The following ZNF554 variants were observed in gnomAD, a reference collection of about 807,000 sequenced individuals.
ZNF554 encodes the protein zinc finger protein 554.
Under a neutral mutation model 21.2 loss-of-function variants are expected in ZNF554, and 15 were observed. The ratio of observed to expected loss-of-function variants is 0.71; its 90% confidence interval spans 0.47 to 1.09. The LOEUF is 1.09. ZNF554 is among the 50% of genes least tolerant of loss of function. The pLI, the probability that ZNF554 is intolerant of heterozygous loss-of-function variation, is 0.00. For missense variants in ZNF554, 691 were observed against 662.7 expected, an observed-to-expected ratio of 1.04 and a Z score of -0.47; for synonymous variants, 258 against 251.4, an observed-to-expected ratio of 1.03 and a Z score of -0.25.
At chr19:2,829,589 A>G (rs1242397778) in intron 3 of ZNF554, among the ~76,000 whole-genome samples, 1 of 152,128 alleles carries the variant, frequency 6.6e-6, no homozygotes, top group East Asian at 1.9e-4. Context: ...GTAAGCTGAG[A>G]TCGTGCCACT....
chr19:2,830,231 G>A (rs917611829), intron 3 of ZNF554, among the ~76,000 whole-genome samples: 6 of 152,242 alleles, frequency 3.9e-5, no homozygotes, highest in Admixed American at 6.6e-5. Flanking sequence ...CACCGTGCCC[G>A]GCAGACATTT....
rs1299573788 is a variant in ZNF554, at chr19:2,836,218, T to C, written c.*1366T>C. 6.7e-6 allele frequency among the ~76,000 whole-genome samples: 1 copy of C among 150,194 alleles called. No individual in the cohort carries two copies. The highest frequency in any genetic ancestry group is 1.5e-5 in the Non-Finnish European group (1 of 67,634). On this transcript the variant is annotated 3_prime_UTR_variant, in exon 5 of 5. Coordinates refer to ENST00000317243, the MANE Select transcript of ZNF554 (RefSeq NM_001102651.2). ...ACGGGTGTGAGCCACCGTGCTGGTA[T>C]TACGGGTGTGAGCCACCGTGCTGGG...
chr19:2,832,667 A>T (rs2087437016), intron 4 of ZNF554, among the ~76,000 whole-genome samples, 173 bp downstream of exon 4: 1 of 151,844 alleles, frequency 6.6e-6, no homozygotes, highest in South Asian at 2.1e-4. Flanking sequence ...ACCTTACATG[A>T]CCTCTCTCTG....
chr19:2,834,220 T>A lies in ZNF554; in HGVS notation c.985T>A (p.Cys329Ser). Residue 329 changes from cysteine to serine, a missense_variant, in exon 5 of 5, where the codon TGT (cysteine) becomes AGT (serine). Cys to Ser is a moderately radical substitution (Grantham distance 112). Coordinates refer to ENST00000317243, the MANE Select transcript of ZNF554 (RefSeq NM_001102651.2). Reference sequence around the variant, plus strand: ...AGAGAAACCCTTTGAGTGCCACCAGTGTGGGAAGGTGTTCAACCGGAGGCA... The same window carrying A: ...AGAGAAACCCTTTGAGTGCCACCAGAGTGGGAAGGTGTTCAACCGGAGGCA... ...TAEKPFECHQ[C>S]GKVFNRRHSL... 6.2e-7 allele frequency: 1 copy of A among 1,613,888 alleles called. No individual in the cohort carries two copies. The highest frequency in any genetic ancestry group is 8.5e-7 in the Non-Finnish European group (1 of 1,179,996).
intron 2 of ZNF554, among the ~76,000 whole-genome samples, chr19:2,826,669 T>TC (rs2087338811): frequency 6.6e-6 from 1 of 151,620 alleles, no homozygotes; most frequent in African/African-American, 2.4e-5. Flanking sequence ...TTCCTCTTTT[T>TC]TTTTTTTTTT....
intron 2 of ZNF554, chr19:2,826,316 G>C (rs538162510): frequency 6.7e-6 from 1 of 149,776 alleles, no homozygotes; most frequent in African/African-American, 2.5e-5. Flanking sequence ...CGATTCTCCT[G>C]CCTCAGCCTC....
rs1568337918 is a variant in ZNF554, at chr19:2,834,721, G to C, written c.1486G>C (p.Glu496Gln). 1 of 1,614,076 alleles carries C rather than the reference G, an allele frequency of 6.2e-7. No individual in the cohort carries two copies. Among genetic ancestry groups the C allele is most frequent in the Non-Finnish European group, 8.5e-7 (1 of 1,179,988 alleles). ...HTGEKPYRCQ[E>Q]CGKAFSQSSS... ...TGGAGAGAAACCCTACAGGTGTCAG[G>C]AATGTGGGAAAGCCTTCAGCCAGAG... Residue 496 changes from glutamate to glutamine, a missense_variant, in exon 5 of 5, where the codon GAA becomes CAA. Coordinates refer to ENST00000317243, the MANE Select transcript of ZNF554 (RefSeq NM_001102651.2).
rs1326734550 is a variant in ZNF554, at chr19:2,821,717, A to C, written c.54-1323A>C. On this transcript the variant is annotated intron_variant, in intron 1 of 4. Coordinates refer to ENST00000317243, the MANE Select transcript of ZNF554 (RefSeq NM_001102651.2). This position sits in a 1 kb window ranked among gnomAD's most constrained non-coding sequence, Gnocchi z 8.2. ...GGGTCTCGGTCTGTCACCTGGCTGG[A>C]GTGCAGTGGCACGATCTCGGCTCAC... Among the ~76,000 whole-genome samples the C allele has an allele frequency of 6.6e-6, 1 of 152,026 alleles. No individual in the cohort carries two copies. Among genetic ancestry groups the C allele is most frequent in the African/African-American group, 2.4e-5 (1 of 41,342 alleles).
At chr19:2,832,864 C>G (rs2087439287) in intron 4 of ZNF554, among the ~76,000 whole-genome samples, 2 of 152,284 alleles carry the variant, frequency 1.3e-5, no homozygotes, top group South Asian at 4.1e-4. Context: ...CATGCCATCA[C>G]TCCCACCTAT....
rs559975488 is a variant in ZNF554 at position 2,831,789 on chromosome 19, G to GT, written c.254-505dup. On this transcript the variant is annotated intron_variant, in intron 3 of 4. Coordinates refer to ENST00000317243, the MANE Select transcript of ZNF554 (RefSeq NM_001102651.2). ...TAGTTTTTTTGTTTGTTTGTTTTTGGTTTTTTTTTGGTAGGTCCGGGGTCT... is the reference window on the plus strand; with the variant it reads ...TAGTTTTTTTGTTTGTTTGTTTTTGGTTTTTTTTTTGGTAGGTCCGGGGTCT... The GT allele has an allele frequency of 6.6e-3, 987 of 149,818 alleles. 5 individuals are homozygous for GT. Among genetic ancestry groups the GT allele is most frequent in the Non-Finnish European group, 8.8e-3 (596 of 67,514 alleles). 9.3% of individuals were successfully genotyped at this position (149,818 alleles called of 1,614,324 possible).
intron 1 of ZNF554, among the ~76,000 whole-genome samples, chr19:2,822,159 T>C (rs920135615): frequency 4.6e-5 from 7 of 152,168 alleles, no homozygotes; most frequent in African/African-American, 1.2e-4. Flanking sequence ...CAAATAATTA[T>C]CGTGCCTCAG....
intron 1 of ZNF554, among the ~76,000 whole-genome samples, chr19:2,822,438 T>C (rs1263397608): frequency 6.6e-6 from 1 of 152,168 alleles, no homozygotes; most frequent in Non-Finnish European, 1.5e-5. Flanking sequence ...ATTCCTGTTA[T>C]TTTAAGCCCC....
Position 2,836,276 on chromosome 19 carries a change from G to A in ZNF554, c.*1424G>A, listed in dbSNP as rs947864951. On this transcript the variant is annotated 3_prime_UTR_variant, in exon 5 of 5. Transcript: ENST00000317243. ...GCGTGAGCCACTGTGCTGGGATTAC[G>A]GGCGCGAGCCACTGTGCTGGGATTA... Among the ~76,000 whole-genome samples, 18 of 150,636 alleles carry A rather than the reference G, an allele frequency of 1.2e-4. No individual in the cohort carries two copies. Among genetic ancestry groups the A allele is most frequent in the Admixed American group, 8.6e-4 (13 of 15,054 alleles).
chr19:2,832,864 C>T (rs2087439287), intron 4 of ZNF554, among the ~76,000 whole-genome samples: 1 of 152,284 alleles, frequency 6.6e-6, no homozygotes, highest in South Asian at 2.1e-4. Flanking sequence ...CATGCCATCA[C>T]TCCCACCTAT....
chr19:2,820,217 A>G, intron 1 of ZNF554, 93 bp downstream of exon 1: 1 of 1,140,260 alleles, frequency 8.8e-7, no homozygotes, highest in Non-Finnish European at 1.1e-6. Context: ...TGGCCGGGGC[A>G]TGACCCTGTC....
chr19:2,835,007 T>A lies in ZNF554; in HGVS notation c.*155T>A, dbSNP rs966340466. The stretch of plus-strand genomic sequence containing the variant: ...AGCTCTGAGAATGGGCATTTTTGTA[T>A]TTTGTTGTTGTTGTTGAGATGGAGT... On this transcript the variant is annotated 3_prime_UTR_variant, in exon 5 of 5. Transcript: ENST00000317243. 1 of 733,198 alleles carries A rather than the reference T, an allele frequency of 1.4e-6. No homozygotes were observed. Among genetic ancestry groups the A allele is most frequent in the Admixed American group, 3.0e-5 (1 of 33,538 alleles). 45.4% of individuals were successfully genotyped at this position (733,198 alleles called of 1,614,324 possible).
chr19:2,819,987 C>A lies in ZNF554; in HGVS notation c.-85C>A. 2 of 1,075,248 alleles carry A rather than the reference C, an allele frequency of 1.9e-6. No homozygotes were observed. Among genetic ancestry groups the A allele is most frequent in the South Asian group, 4.7e-5 (1 of 21,284 alleles). 66.6% of individuals were successfully genotyped at this position (1,075,248 alleles called of 1,614,324 possible). A position where few individuals can be genotyped will look rare whatever the true frequency, so the allele number is the denominator to read the frequency against. On this transcript the variant is annotated 5_prime_UTR_variant, in exon 1 of 5. Transcript: ENST00000317243. The stretch of plus-strand genomic sequence containing the variant: ...CGAGGAGCCGAGCGGAGGAGGCGTC[C>A]CAGGGACACGCAGGGGAGGCCGGCC...
intron 2 of ZNF554, chr19:2,826,358 C>T (rs1483937476): frequency 6.6e-6 from 1 of 151,828 alleles, no homozygotes; most frequent in Non-Finnish European, 1.5e-5. Flanking sequence ...TACGTGCCAC[C>T]ACGATTGGCT....
At chr19:2,828,982 C>G (rs1464926404) in intron 3 of ZNF554, among the ~76,000 whole-genome samples, 2 of 151,920 alleles carry the variant, frequency 1.3e-5, no homozygotes, top group Non-Finnish European at 2.9e-5. Flanking sequence ...GGTCGGGAGA[C>G]AGCTCAACCA....
Sources: gnomAD v4.1 joint callset for allele counts (sites outside exome capture counted in the v4.1 genomes callset) on GRCh38, gnomAD v4.1.1 for gene constraint, Gnocchi (gnomAD v3.1) non-coding constraint, MANE v1.5 for transcripts, NCBI Gene and HGNC (gene_info 2026-07-23, HGNC 2026-07-21) for gene names.